The following L3MBTL3 variants were observed in gnomAD, a reference collection of about 807,000 sequenced individuals.
The protein encoded by L3MBTL3 is lethal(3)malignant brain tumor-like protein 3.
L3MBTL3 carries 27 observed loss-of-function variants against 102.3 expected under a neutral mutation model. That is an observed-to-expected ratio of 0.26 (90% CI 0.19 to 0.36). The LOEUF is 0.36. L3MBTL3 is among the 10% of genes least tolerant of loss of function. The probability of loss-of-function intolerance (pLI) is 1.00; values close to 1 mark genes in which losing one functional copy is unlikely to be tolerated. For missense variants in L3MBTL3, 798 were observed against 955.3 expected, an observed-to-expected ratio of 0.84 and a Z score of 2.17; for synonymous variants, 340 against 320.9, an observed-to-expected ratio of 1.06 and a Z score of -0.64.
rs868760087 is a variant in L3MBTL3 at position 130,020,863 on chromosome 6, G to A, written c.-94-1364G>A. Among the ~76,000 whole-genome samples, 167 of 150,374 alleles carry A rather than the reference G, an allele frequency of 1.1e-3. 4 individuals carry two copies. Among genetic ancestry groups the A allele is most frequent in the Middle Eastern group, 0.01 (3 of 294 alleles). On this transcript the variant is annotated intron_variant, in intron 1 of 22. Transcript: ENST00000361794. ...CCCAACGCCTCGCATCCCTTGGCCCGCTTCTCCACCTCGGGGCCACCGCCA... is the reference window on the plus strand; with the variant it reads ...CCCAACGCCTCGCATCCCTTGGCCCACTTCTCCACCTCGGGGCCACCGCCA...
chr6:130,125,600 C>A (rs1786542653), intron 20 of L3MBTL3, among the ~76,000 whole-genome samples: 1 of 152,168 alleles, frequency 6.6e-6, no homozygotes, highest in Admixed American at 6.5e-5. Flanking sequence ...CTCTTTCAAA[C>A]CCAAGGCTGA....
intron 18 of L3MBTL3, among the ~76,000 whole-genome samples, chr6:130,095,477 G>A (rs1784310821): frequency 6.6e-6 from 1 of 152,062 alleles, no homozygotes; most frequent in Non-Finnish European, 1.5e-5. Flanking sequence ...TTTGTTGCTT[G>A]TCTGACTGCA....
chr6:130,036,220 A>T (rs991259985), intron 2 of L3MBTL3, among the ~76,000 whole-genome samples: 1 of 152,214 alleles, frequency 6.6e-6, no homozygotes, highest in African/African-American at 2.4e-5. Flanking sequence ...GTGACTTAGA[A>T]GCAGCTTTTC....
intron 14 of L3MBTL3, among the ~76,000 whole-genome samples, chr6:130,080,872 A>G (rs1783294741): frequency 6.6e-6 from 1 of 152,208 alleles, no homozygotes; most frequent in Non-Finnish European, 1.5e-5. Context: ...GCATGTGCTG[A>G]TGCTACTCTT....
intron 22 of L3MBTL3, among the ~76,000 whole-genome samples, chr6:130,139,218 A>T (rs1788051799): frequency 1.3e-5 from 2 of 151,778 alleles, no homozygotes; most frequent in Non-Finnish European, 2.9e-5. Flanking sequence ...TGCCTGAGTT[A>T]TTTTATGTCC....
rs150330004 is a variant in L3MBTL3, at chr6:130,067,042, A to G, written c.1000+554A>G. 1.4e-4 allele frequency among the ~76,000 whole-genome samples: 22 copies of G among 152,244 alleles called. No homozygotes were observed. In the East Asian group the frequency reaches 4.2e-3, roughly 29 times the overall value. ...TACTTTATATTATAGTCCCCCAGTG[A>G]TTTTCCTATTTCATGTTTATATCAA... On this transcript the variant is annotated intron_variant, in intron 11 of 22. Transcript: ENST00000361794.
intron 2 of L3MBTL3, among the ~76,000 whole-genome samples, chr6:130,034,102 A>G (rs1779895864): frequency 6.6e-6 from 1 of 152,322 alleles, no homozygotes; most frequent in South Asian, 2.1e-4. Context: ...AATATGCTGC[A>G]GGAACCCAGC....
At chr6:130,052,477 T>C (rs1029935465) in intron 6 of L3MBTL3, among the ~76,000 whole-genome samples, 5 of 152,240 alleles carry the variant, frequency 3.3e-5, no homozygotes, top group Non-Finnish European at 2.9e-5. Context: ...ATTGGATTTG[T>C]CATTCTTAAT....
At chr6:130,053,683 C>G (rs1319735419) in intron 7 of L3MBTL3, among the ~76,000 whole-genome samples, 1 of 149,730 alleles carries the variant, frequency 6.7e-6, no homozygotes, top group Non-Finnish European at 1.5e-5. Context: ...AAATGGCACA[C>G]AAATATCAGG....
intron 3 of L3MBTL3, among the ~76,000 whole-genome samples, chr6:130,046,669 T>G (rs1165077947): frequency 6.6e-6 from 1 of 152,080 alleles, no homozygotes; most frequent in African/African-American, 2.4e-5. Flanking sequence ...TTGTAAAGTT[T>G]ATAATTTTGA....
chr6:130,066,286 G>GTATGTATATATATATA (rs1554227524), intron 10 of L3MBTL3, 67 bp from the exon 11 acceptor site: 3 of 387,692 alleles, frequency 7.7e-6, no homozygotes, highest in Non-Finnish European at 8.2e-6. Flanking sequence ...TTATTTTTGT[G>GTATGTATATATATATA]TATATATATA....
At position 130,140,639 on chromosome 6, in the gene L3MBTL3, T is replaced by A. The variant is rs770178206; in HGVS notation, c.*886T>A. 6.6e-6 allele frequency: 1 copy of A among 152,200 alleles called. No homozygotes were observed. Among genetic ancestry groups the A allele is most frequent in the Non-Finnish European group, 1.5e-5 (1 of 68,080 alleles). The allele number at this position is 152,200 out of a possible 1,614,324, so 9.4% of individuals were successfully genotyped here. ...GGGTCTTGAACTATTTATGAGATGA[T>A]CTTGAGCTTCTAATTTTCATTGATG... On this transcript the variant is annotated 3_prime_UTR_variant, in exon 23 of 23. Coordinates refer to ENST00000361794, the MANE Select transcript of L3MBTL3 (RefSeq NM_032438.4).
intron 8 of L3MBTL3, among the ~76,000 whole-genome samples, chr6:130,055,691 CCTCT>C (rs1253188167): frequency 7.9e-6 from 1 of 127,374 alleles, no homozygotes; most frequent in African/African-American, 2.8e-5. Context: ...TCCCTCTCTC[CCTCT>C]CTCTTTCTCT....
At chr6:130,029,492 C>T (rs1032433431) in intron 2 of L3MBTL3, among the ~76,000 whole-genome samples, 7 of 152,118 alleles carry the variant, frequency 4.6e-5, no homozygotes, top group African/African-American at 1.4e-4. Flanking sequence ...TCAGAAATTA[C>T]GTCCTTTTTA....
intron 1 of L3MBTL3, among the ~76,000 whole-genome samples, chr6:130,019,118 C>T (rs1308763300): frequency 6.6e-6 from 1 of 151,890 alleles, no homozygotes; most frequent in African/African-American, 2.4e-5. Flanking sequence ...CTCAGGCTGG[C>T]GCGCAGGCGG....
intron 10 of L3MBTL3, among the ~76,000 whole-genome samples, chr6:130,062,683 C>A (rs1486581513): frequency 6.6e-6 from 1 of 151,548 alleles, no homozygotes; most frequent in Non-Finnish European, 1.5e-5. Context: ...GCATGAGCCA[C>A]CACACCTGGC....
At position 130,060,021 on chromosome 6, in the gene L3MBTL3, C is replaced by T. The variant is rs1052073724; in HGVS notation, c.760-15C>T. 3 of 1,518,282 alleles carry T rather than the reference C, an allele frequency of 2.0e-6. No homozygotes were observed. The highest frequency in any genetic ancestry group is 1.7e-5 in the Admixed American group (1 of 59,564). 94.1% of individuals were successfully genotyped at this position (1,518,282 alleles called of 1,614,324 possible). A position where few individuals can be genotyped will look rare whatever the true frequency, so the allele number is the denominator to read the frequency against. ...TGGGATAAGGGACTAAAACTGCTCT[C>T]ATTTTGCATTTTAGCATCAATCCTT... On this transcript the variant is annotated splice_polypyrimidine_tract_variant and intron_variant, in intron 9 of 22. Coordinates refer to ENST00000361794, the MANE Select transcript of L3MBTL3 (RefSeq NM_032438.4).
intron 2 of L3MBTL3, among the ~76,000 whole-genome samples, chr6:130,022,951 G>C (rs1246569303): frequency 6.6e-6 from 1 of 152,124 alleles, no homozygotes; most frequent in African/African-American, 2.4e-5. Flanking sequence ...AATACTCCAG[G>C]TCCTTCTTTT....
chr6:130,020,378 CACGGTGGCACGG>C (rs1778909662), intron 1 of L3MBTL3: 1 of 147,838 alleles, frequency 6.8e-6, no homozygotes, highest in Non-Finnish European at 1.5e-5. Flanking sequence ...GGGAGGAGGG[CACGGTGGCACGG>C]GCGGGGGGAG....
Sources: allele counts gnomAD v4.1 joint callset (sites outside exome capture counted in the v4.1 genomes callset), GRCh38; gene constraint gnomAD v4.1.1; transcripts MANE v1.5; gene names NCBI Gene and HGNC (gene_info 2026-07-23, HGNC 2026-07-21).